NEFM: variants seen among roughly 807,000 people sequenced by gnomAD.
NEFM encodes neurofilament medium polypeptide.
A neutral mutation model predicts 48.1 loss-of-function variants in NEFM; 16 were observed. The observed-to-expected ratio is 0.33, with a 90% CI of 0.23 to 0.51. The LOEUF is 0.51. NEFM is among the 20% of genes least tolerant of loss of function. The pLI, the probability that NEFM is intolerant of heterozygous loss-of-function variation, is 0.98. For synonymous variants in NEFM, 465 were observed against 456.9 expected (o/e 1.02, Z -0.23); for missense variants, 1,107 against 1,136.0 (o/e 0.97, Z 0.37).
At position 24,916,159 on chromosome 8, in the gene NEFM, G is replaced by T. The variant is rs1037938449; in HGVS notation, c.1205+430G>T. Among the ~76,000 whole-genome samples the T allele has an allele frequency of 2.0e-5, 3 of 152,056 alleles. No homozygotes were observed. The South Asian group carries it at 6.2e-4, about 32-fold the overall frequency. ...TTTCTCTGTTATATAGCTTACTATTGCCATCATCTGGCTGAGAATAGATAT... is the reference window on the plus strand; with the variant it reads ...TTTCTCTGTTATATAGCTTACTATTTCCATCATCTGGCTGAGAATAGATAT... On this transcript the variant is annotated intron_variant, in intron 2 of 2. Coordinates refer to ENST00000221166, the MANE Select transcript of NEFM (RefSeq NM_005382.2).
rs376739149 is a variant in NEFM, at chr8:24,913,965, G to A, written c.172G>A (p.Ala58Thr). The change falls in exon 1 of 3, where the codon GCC (alanine) becomes ACC (threonine). Residue 58 changes from alanine (A) to threonine (T), a missense_variant. Physicochemically the swap from Ala to Thr is moderately conservative, Grantham distance 58. Around this residue, in one of 3 missense-constraint regions of NEFM, gnomAD observed 186 missense variants for 200.6 expected, o/e 0.93. Transcript: ENST00000221166. ...CTCCTCCTATAAGCGCAGCATGCTC[G>A]CCCCGCGCCTCGCTTACAGCTCGGC... is the stretch of plus-strand genomic sequence containing the variant. ...VSSSYKRSML[A>T]PRLAYSSAML... 12 of 1,606,904 alleles carry A rather than the reference G, an allele frequency of 7.5e-6. No homozygotes were observed. Among genetic ancestry groups the A allele is most frequent in the African/African-American group, 2.7e-5 (2 of 74,906 alleles).
intron 2 of NEFM, among the ~76,000 whole-genome samples, chr8:24,916,642 A>C (rs920596854): frequency 1.3e-5 from 2 of 152,186 alleles, no homozygotes; most frequent in African/African-American, 4.8e-5. Context: ...TACTCTCAGA[A>C]AGGCTGTTTG....
chr8:24,917,105 G>A lies in NEFM; in HGVS notation c.1250G>A (p.Gly417Glu). 1.2e-6 allele frequency: 2 copies of A among 1,614,110 alleles called. No homozygotes were observed. Among genetic ancestry groups the A allele is most frequent in the Non-Finnish European group, 8.5e-7 (1 of 1,180,026 alleles). ...GAGACTAGATTTAGCACATTTGCAG[G>A]AAGCATCACTGGGCCACTGTATACA... Reference protein sequence around the residue: ...GEETRFSTFAGSITGPLYTHR... With the variant: ...GEETRFSTFAESITGPLYTHR... Residue 417 changes from glycine (G) to glutamate (E), a missense_variant, in exon 3 of 3, where the codon GGA becomes GAA. Gly to Glu is a moderately conservative substitution (Grantham distance 98). Transcript: ENST00000221166.
rs866829832 is a variant in NEFM at position 24,914,058 on chromosome 8, G to A, written c.265G>A (p.Gly89Arg). The change falls in exon 1 of 3, where the codon GGA becomes AGA. Residue 89 changes from glycine (G) to arginine (R), a missense_variant. Transcript: ENST00000221166. ...CTCGTCCCTGCTCAACGGCGGCTCC[G>A]GACCCGGCGGCGACTACAAGCTGTC... ...QSSSLLNGGS[G>R]PGGDYKLSRS... 4.3e-6 allele frequency: 7 copies of A among 1,612,688 alleles called. No homozygotes were observed. The African/African-American group carries it at 9.3e-5, about 22-fold the overall frequency.
Position 24,914,821 on chromosome 8 carries a change from G to A in NEFM, c.1028G>A (p.Arg343Gln). The change falls in exon 1 of 3, where the codon CGG becomes CAG. Residue 343 changes from arginine to glutamine, a missense_variant. Transcript: ENST00000221166. ...CGCGGCACCAAGGAGTCCCTGGAGC[G>A]GCAGCTCAGCGACATCGAGGAGCGC... ...SVRGTKESLE[R>Q]QLSDIEERHN... 1 of 1,601,672 alleles carries A rather than the reference G, an allele frequency of 6.2e-7. No individual in the cohort carries two copies. The highest frequency in any genetic ancestry group is 2.3e-5 in the East Asian group (1 of 44,346).
At chr8:24,915,014 AT>A (rs1049861939) in intron 1 of NEFM, 141 bp downstream of exon 1, 2 of 1,397,864 alleles carry the variant, frequency 1.4e-6, no homozygotes, top group African/African-American at 3.1e-5. Flanking sequence ...GACCTAGGGT[AT>A]TTGCGGATCA....
rs58277456 is a variant in NEFM, at chr8:24,918,339, CGTT to C, written c.2487_2489del (p.Val830del). On this transcript the variant is annotated inframe_deletion, in exon 3 of 3. Coordinates refer to ENST00000221166, the MANE Select transcript of NEFM (RefSeq NM_005382.2). ...GCAGTGGGAGGGAAGAGGAGAAAGG[CGTT>C]GTCACCAATGGCCTAGACTTGAGCC... 3 of 1,613,690 alleles carry C rather than the reference CGTT, an allele frequency of 1.9e-6. No individual in the cohort carries two copies. The highest frequency in any genetic ancestry group is 1.7e-6 in the Non-Finnish European group (2 of 1,179,976).
At position 24,917,358 on chromosome 8, in the gene NEFM, TGAAGAA is replaced by T. The variant is rs746544136; in HGVS notation, c.1511_1516del (p.Glu504_Glu505del). Reference sequence around the variant, plus strand: ...AAGAAAAGGAAGAGGAACCCGAAGCTGAAGAAGAAGAAGTAGCTGCCAAAAAGTCTC... The same window carrying T: ...AAGAAAAGGAAGAGGAACCCGAAGCTGAAGAAGTAGCTGCCAAAAAGTCTC... On this transcript the variant is annotated inframe_deletion, in exon 3 of 3. Coordinates refer to ENST00000221166, the MANE Select transcript of NEFM (RefSeq NM_005382.2). 183 of 1,601,898 alleles carry T rather than the reference TGAAGAA, an allele frequency of 1.1e-4. 1 individual carries two copies. The highest frequency in any genetic ancestry group is 4.3e-4 in the Admixed American group (25 of 57,756).
At position 24,915,723 on chromosome 8, in the gene NEFM, C is replaced by T; in HGVS notation, c.1199C>T (p.Ala400Val). Residue 400 changes from alanine to valine, a missense_variant, in exon 2 of 3, where the codon GCG (alanine) becomes GTG (valine). By Grantham distance (64) the Ala-to-Val change is moderately conservative. Coordinates refer to ENST00000221166, the MANE Select transcript of NEFM (RefSeq NM_005382.2). The stretch of plus-strand genomic sequence containing the variant: ...ATGGCTCTGGATATAGAAATCGCTG[C>T]GTACAGGTACGATGCTTACTACGTG... Reference protein sequence around the residue: ...VKMALDIEIAAYRKLLEGEET... With the variant: ...VKMALDIEIAVYRKLLEGEET... 1 of 1,614,006 alleles carries T rather than the reference C, an allele frequency of 6.2e-7. No individual in the cohort carries two copies. Among genetic ancestry groups the T allele is most frequent in the Non-Finnish European group, 8.5e-7 (1 of 1,179,984 alleles).
rs1029667215 is a variant in NEFM, at chr8:24,913,791, A to G, written c.-3A>G. 5 of 1,606,390 alleles carry G rather than the reference A, an allele frequency of 3.1e-6. No homozygotes were observed. The highest frequency in any genetic ancestry group is 1.3e-5 in the African/African-American group (1 of 74,926). ...GACAGCCACACGCCCCAAGGCCTCC[A>G]AGATGAGCTACACGTTGGACTCGCT... On this transcript the variant is annotated 5_prime_UTR_variant, in exon 1 of 3. Coordinates refer to ENST00000221166, the MANE Select transcript of NEFM (RefSeq NM_005382.2).
In NEFM at chr8:24,915,460, G is replaced by A; in HGVS notation, c.1081-145G>A. On this transcript the variant is annotated intron_variant, in intron 1 of 2. Transcript: ENST00000221166. Reference sequence around the variant, plus strand: ...ATTTAAAAGAAAAAGGGGGTGGGACGGGGGGCTGGGAGTCAGGTGTCAGCG... The same window carrying A: ...ATTTAAAAGAAAAAGGGGGTGGGACAGGGGGCTGGGAGTCAGGTGTCAGCG... The A allele has an allele frequency of 4.6e-6, 6 of 1,310,812 alleles. No individual in the cohort carries two copies. In the South Asian group the frequency reaches 6.6e-5, roughly 14 times the overall value. The allele number at this position is 1,310,812 out of a possible 1,614,324, so 81.2% of individuals were successfully genotyped here.
In NEFM at chr8:24,914,023, T is replaced by C; in HGVS notation, c.230T>C (p.Phe77Ser). ...AGCTCCGCCGAGAGCAGCCTTGACT[T>C]CAGCCAGTCCTCGTCCCTGCTCAAC... is the stretch of plus-strand genomic sequence containing the variant. ...MLSSAESSLD[F>S]SQSSSLLNGG... The change falls in exon 1 of 3, where the codon TTC becomes TCC. Residue 77 changes from phenylalanine to serine, a missense_variant. Phe to Ser is a radical substitution (Grantham distance 155). Around this residue, in one of 3 missense-constraint regions of NEFM, gnomAD observed 186 missense variants for 200.6 expected, o/e 0.93. Transcript: ENST00000221166. The C allele has an allele frequency of 5.0e-6, 8 of 1,612,660 alleles. No individual in the cohort carries two copies. The highest frequency in any genetic ancestry group is 6.8e-6 in the Non-Finnish European group (8 of 1,179,972).
Position 24,917,371 on chromosome 8 carries a change from G to A in NEFM, c.1516G>A (p.Val506Ile). ...EEEPEAEEEE[V>I]AAKKSPVKAT... The stretch of plus-strand genomic sequence containing the variant: ...GGAACCCGAAGCTGAAGAAGAAGAA[G>A]TAGCTGCCAAAAAGTCTCCAGTGAA... The change falls in exon 3 of 3, where the codon GTA becomes ATA. Residue 506 changes from valine (V) to isoleucine (I), a missense_variant. Val to Ile is a conservative substitution (Grantham distance 29). Coordinates refer to ENST00000221166, the MANE Select transcript of NEFM (RefSeq NM_005382.2). 6.3e-7 allele frequency: 1 copy of A among 1,591,228 alleles called. No individual in the cohort carries two copies. Among genetic ancestry groups the A allele is most frequent in the East Asian group, 2.3e-5 (1 of 43,724 alleles).
chr8:24,917,313 A>G lies in NEFM; in HGVS notation c.1458A>G (p.Glu486=). 1 of 1,613,976 alleles carries G rather than the reference A, an allele frequency of 6.2e-7. No individual in the cohort carries two copies. The highest frequency in any genetic ancestry group is 2.2e-5 in the East Asian group (1 of 44,870). ...AGGAATTGGCCGTTTCCATGAAGGAAGAGAAGAAAGAAGCAGCAGAAGAAA... is the reference window on the plus strand; with the variant it reads ...AGGAATTGGCCGTTTCCATGAAGGAGGAGAAGAAAGAAGCAGCAGAAGAAA... The part of the protein sequence containing the change: ...ITEELAVSMK[E]EKKEAAEEKE... The change falls in exon 3 of 3, where the codon GAA becomes GAG. Residue 486 remains glutamate, a synonymous_variant. Transcript: ENST00000221166.
rs1401077970 is a variant in NEFM, at chr8:24,917,878, G to A, written c.2023G>A (p.Glu675Lys). 16 of 1,613,992 alleles carry A rather than the reference G, an allele frequency of 9.9e-6. No individual in the cohort carries two copies. The highest frequency in any genetic ancestry group is 1.3e-5 in the African/African-American group (1 of 74,912). Reference sequence around the variant, plus strand: ...GTCTCCTGTGTCAAAATCACCAGTGGAAGAGAAAGCCAAATCTCCTGTGCC... The same window carrying A: ...GTCTCCTGTGTCAAAATCACCAGTGAAAGAGAAAGCCAAATCTCCTGTGCC... ...GKSPVSKSPVEEKAKSPVPKS... is the reference protein window; with the variant it reads ...GKSPVSKSPVKEKAKSPVPKS... The change falls in exon 3 of 3, where the codon GAA becomes AAA. Residue 675 changes from glutamate (E) to lysine (K), a missense_variant. By Grantham distance (56) the Glu-to-Lys change is moderately conservative. Coordinates refer to ENST00000221166, the MANE Select transcript of NEFM (RefSeq NM_005382.2).
Position 24,917,944 on chromosome 8 carries a change from G to A in NEFM, c.2089G>A (p.Gly697Arg), listed in dbSNP as rs59726684. 1 of 1,614,108 alleles carries A rather than the reference G, an allele frequency of 6.2e-7. No homozygotes were observed. The highest frequency in any genetic ancestry group is 1.7e-5 in the Admixed American group (1 of 60,008). The part of the protein sequence containing the change: ...VEEAKSKAEV[G>R]KGEQKEEEEK... Reference sequence around the variant, plus strand: ...AGAGGCAAAGTCAAAAGCAGAAGTGGGGAAAGGTGAACAGAAAGAGGAAGA... The same window carrying A: ...AGAGGCAAAGTCAAAAGCAGAAGTGAGGAAAGGTGAACAGAAAGAGGAAGA... Residue 697 changes from glycine to arginine, a missense_variant, in exon 3 of 3, where the codon GGG becomes AGG. Coordinates refer to ENST00000221166, the MANE Select transcript of NEFM (RefSeq NM_005382.2).
chr8:24,917,441 A>G lies in NEFM; in HGVS notation c.1586A>G (p.Glu529Gly). The G allele has an allele frequency of 6.4e-7, 1 of 1,556,454 alleles. No homozygotes were observed. The change falls in exon 3 of 3, where the codon GAA (glutamate) becomes GGA (glycine). Residue 529 changes from glutamate (E) to glycine (G), a missense_variant. By Grantham distance (98) the Glu-to-Gly change is moderately conservative. Coordinates refer to ENST00000221166, the MANE Select transcript of NEFM (RefSeq NM_005382.2). The part of the protein sequence containing the change: ...EVKEEEGEKE[E>G]EEGQEEEEEE... ...AAAGAAGAGGAAGGGGAAAAGGAGG[A>G]AGAAGAAGGCCAGGAAGAAGAGGAG...
Position 24,914,826 on chromosome 8 carries a change from C to T in NEFM, c.1033C>T (p.Leu345Phe), listed in dbSNP as rs780012308. Reference protein sequence around the residue: ...RGTKESLERQLSDIEERHNHD... With the variant: ...RGTKESLERQFSDIEERHNHD... The stretch of plus-strand genomic sequence containing the variant: ...CACCAAGGAGTCCCTGGAGCGGCAG[C>T]TCAGCGACATCGAGGAGCGCCACAA... The change falls in exon 1 of 3, where the codon CTC (leucine) becomes TTC (phenylalanine). Residue 345 changes from leucine (L) to phenylalanine (F), a missense_variant. Leu to Phe is a conservative substitution (Grantham distance 22). Coordinates refer to ENST00000221166, the MANE Select transcript of NEFM (RefSeq NM_005382.2). 1 of 1,600,644 alleles carries T rather than the reference C, an allele frequency of 6.2e-7. No individual in the cohort carries two copies. Among genetic ancestry groups the T allele is most frequent in the Non-Finnish European group, 8.5e-7 (1 of 1,174,550 alleles).
At position 24,918,436 on chromosome 8, in the gene NEFM, A is replaced by C. The variant is rs765423550; in HGVS notation, c.2581A>C (p.Ile861Leu). ...KVVVTKTVEKITSEGGDGATK... is the reference protein window; with the variant it reads ...KVVVTKTVEKLTSEGGDGATK... ...GGTGGTGACCAAAACGGTAGAAAAA[A>C]TCACCAGTGAGGGGGGAGATGGTGC... The change falls in exon 3 of 3, where the codon ATC becomes CTC. Residue 861 changes from isoleucine to leucine, a missense_variant. Physicochemically the swap from Ile to Leu is conservative, Grantham distance 5. Around this residue, in one of 3 missense-constraint regions of NEFM, gnomAD observed 917 missense variants for 916.4 expected, o/e 1.00. Transcript: ENST00000221166. The C allele has an allele frequency of 4.3e-6, 7 of 1,614,054 alleles. No homozygotes were observed. The highest frequency in any genetic ancestry group is 2.5e-6 in the Non-Finnish European group (3 of 1,180,056).
Sources: gnomAD v4.1 joint callset for allele counts (sites outside exome capture counted in the v4.1 genomes callset) on GRCh38, gnomAD v4.1.1 for gene constraint, gnomAD v4.1.1 regional missense constraint, MANE v1.5 for transcripts, NCBI Gene and HGNC (gene_info 2026-07-23, HGNC 2026-07-21) for gene names.